The following CDC25B variants were observed in gnomAD, a reference collection of about 807,000 sequenced individuals.
CDC25B encodes M-phase inducer phosphatase 2.
In CDC25B, 33 loss-of-function variants were observed where a neutral mutation model predicts 69.8. That is an observed-to-expected ratio of 0.47 (90% CI 0.36 to 0.63). The LOEUF is 0.63. Among genes scored for constraint, CDC25B ranks in the 30% least tolerant of loss-of-function variants. The pLI, the probability that CDC25B is intolerant of heterozygous loss-of-function variation, is 0.00. For missense variants in CDC25B, 727 were observed against 809.1 expected (o/e 0.90, Z 1.23); for synonymous variants, 341 against 314.6 (o/e 1.08, Z -0.89).
Position 3,803,584 on chromosome 20 carries a change from C to G in CDC25B, c.1490+47C>G. On this transcript the variant is annotated intron_variant, in intron 14 of 15. Transcript: ENST00000245960. The surrounding 1 kb of genome is among the most constrained non-coding windows in gnomAD (Gnocchi z 4.9). ...CCAGCTAGTGTCTGCCCTGGCCTTC[C>G]CTGCCCAGGCTCACAGGTGCTGGCA... 6.2e-7 allele frequency: 1 copy of G among 1,611,058 alleles called. No individual in the cohort carries two copies. Among genetic ancestry groups the G allele is most frequent in the East Asian group, 2.2e-5 (1 of 44,864 alleles).
upstream of CDC25B, among the ~76,000 whole-genome samples, chr20:3,793,872 G>A (rs1331584733): frequency 1.3e-5 from 2 of 150,736 alleles, no homozygotes; most frequent in African/African-American, 2.4e-5. Flanking sequence ...TCTTGCGATA[G>A]TTTACTGAGA....
intron 8 of CDC25B, 74 bp from the exon 9 acceptor site, chr20:3,801,648 G>C: frequency 2.3e-6 from 3 of 1,281,226 alleles, no homozygotes; most frequent in Non-Finnish European, 3.3e-6. Context: ...AGGCTGTGCT[G>C]GAGGATTCCG....
upstream of CDC25B, chr20:3,795,822 C>T (rs183999341): frequency 1.3e-4 from 131 of 984,716 alleles, 1 homozygote; most frequent in African/African-American, 1.8e-3. Context: ...CCTGGCCCAC[C>T]GCCTGCCCAA....
At position 3,796,699 on chromosome 20, in the gene CDC25B, C is replaced by T. The variant is rs749556379; in HGVS notation, c.168C>T (p.Thr56=). The change falls in exon 1 of 16, where the codon ACC becomes ACT. Residue 56 remains threonine (T), a synonymous_variant. Coordinates refer to ENST00000245960, the MANE Select transcript of CDC25B (RefSeq NM_021873.4). ...CTTCCTCGCCGGTCACCACCCTCAC[C>T]CAGACCATGCACGACCTCGCCGGGC... ...AAASSPVTTL[T]QTMHDLAGLG... 1 of 1,561,746 alleles carries T rather than the reference C, an allele frequency of 6.4e-7. No homozygotes were observed. Among genetic ancestry groups the T allele is most frequent in the South Asian group, 1.2e-5 (1 of 86,178 alleles).
At chr20:3,802,648 T>G in intron 11 of CDC25B, 1 of 600,852 alleles carries the variant, frequency 1.7e-6, no homozygotes, top group Non-Finnish European at 3.0e-6. Context: ...TGCCTCACCT[T>G]CGGGCTTGGC....
upstream of CDC25B, among the ~76,000 whole-genome samples, chr20:3,792,198 G>A (rs2088926417): frequency 6.6e-6 from 1 of 152,204 alleles, no homozygotes; most frequent in African/African-American, 2.4e-5. Context: ...ACAGGTGTGA[G>A]CCAGCATGCC....
chr20:3,800,812 A>G lies in CDC25B; in HGVS notation c.529A>G (p.Lys177Glu), dbSNP rs199988612. 107 of 1,613,212 alleles carry G rather than the reference A, an allele frequency of 6.6e-5. No homozygotes were observed. The highest frequency in any genetic ancestry group is 9.3e-6 in the Non-Finnish European group (11 of 1,180,008). Reference protein sequence around the residue: ...TNSQAPDGRRKSEAGSGAASS... With the variant: ...TNSQAPDGRRESEAGSGAASS... ...CTCCCAGGCGCCCGACGGCCGGAGG[A>G]AGAGCGAGGCGGGCAGTGGAGCTGC... The change falls in exon 6 of 16, where the codon AAG (lysine) becomes GAG (glutamate). Residue 177 changes from lysine to glutamate, a missense_variant. Coordinates refer to ENST00000245960, the MANE Select transcript of CDC25B (RefSeq NM_021873.4).
intron 11 of CDC25B, 70 bp downstream of exon 11, chr20:3,802,446 G>C: frequency 9.6e-7 from 1 of 1,043,622 alleles, no homozygotes. Flanking sequence ...TCTAGCCCAG[G>C]GGCTGCTTGG....
upstream of CDC25B, chr20:3,795,759 C>G (rs1488425986): frequency 1.0e-6 from 1 of 985,432 alleles, no homozygotes; most frequent in Non-Finnish European, 1.2e-6. Flanking sequence ...TCAGCGCAGC[C>G]AGTCGCGGAG....
upstream of CDC25B, among the ~76,000 whole-genome samples, chr20:3,792,800 G>A (rs963308760): frequency 2.0e-5 from 3 of 151,966 alleles, no homozygotes; most frequent in Admixed American, 6.6e-5. Flanking sequence ...CCACCACACC[G>A]GGCTAAGTTT....
At position 3,797,639 on chromosome 20, in the gene CDC25B, A is replaced by T. The variant is rs761683237; in HGVS notation, c.218A>T (p.Gln73Leu). Reference protein sequence around the residue: ...AGLGSETPKSQVGTLLFRSRS... With the variant: ...AGLGSETPKSLVGTLLFRSRS... ...CTTCCCAGCGAAACCCCAAAGAGTC[A>T]GGTAGGGACCCTGCTCTTCCGCAGC... The change falls in exon 2 of 16, where the codon CAG (glutamine) becomes CTG (leucine). Residue 73 changes from glutamine (Q) to leucine (L), a missense_variant. Physicochemically the swap from Gln to Leu is moderately radical, Grantham distance 113. This residue lies in a region of CDC25B where 368 missense variants were observed against 345.6 expected (regional missense o/e 1.06). Transcript: ENST00000245960. The T allele has an allele frequency of 5.0e-6, 8 of 1,614,098 alleles. No homozygotes were observed. In the Admixed American group the frequency reaches 1.3e-4, roughly 27 times the overall value.
chr20:3,802,186 A>T (rs369825100), intron 10 of CDC25B, 86 bp downstream of exon 10: 1 of 1,548,722 alleles, frequency 6.5e-7, no homozygotes. Context: ...GGCAGGTGGC[A>T]GCCTGGGCAT....
intron 11 of CDC25B, 65 bp downstream of exon 11, chr20:3,802,441 C>T: frequency 9.0e-7 from 1 of 1,115,352 alleles, no homozygotes; most frequent in Non-Finnish European, 1.3e-6. Flanking sequence ...GGTCCTCTAG[C>T]CCAGGGGCTG....
At chr20:3,799,659 G>C (rs1473638572) in intron 3 of CDC25B, among the ~76,000 whole-genome samples, 1 of 152,218 alleles carries the variant, frequency 6.6e-6, no homozygotes, top group Non-Finnish European at 1.5e-5. Context: ...GCAGGAGGAG[G>C]GGGTGGGACA....
In CDC25B at chr20:3,805,060, T is replaced by C. The variant is rs1600410984; in HGVS notation, c.*99T>C. 7.9e-6 allele frequency: 10 copies of C among 1,263,748 alleles called. No homozygotes were observed. Among genetic ancestry groups the C allele is most frequent in the South Asian group, 5.6e-5 (4 of 71,040 alleles). 78.3% of individuals were successfully genotyped at this position (1,263,748 alleles called of 1,614,324 possible). On this transcript the variant is annotated 3_prime_UTR_variant, in exon 16 of 16. Coordinates refer to ENST00000245960, the MANE Select transcript of CDC25B (RefSeq NM_021873.4). ...CTGAGGGCCTGCTGGAGGCCTCAGG[T>C]GCTGTCCATGGGAAAGATGGTGTGG...
chr20:3,792,834 A>T (rs930893168), upstream of CDC25B, among the ~76,000 whole-genome samples: 2 of 152,068 alleles, frequency 1.3e-5, no homozygotes, highest in Non-Finnish European at 2.9e-5. Flanking sequence ...TGTAGAGACA[A>T]GGTTTCACCA....
intron 3 of CDC25B, among the ~76,000 whole-genome samples, 193 bp from the exon 4 acceptor site, chr20:3,800,095 T>A (rs2089218445): frequency 6.6e-6 from 1 of 152,144 alleles, no homozygotes; most frequent in African/African-American, 2.4e-5. Flanking sequence ...AATTCCAAGC[T>A]GCCTCTTATC....
At chr20:3,794,803 C>T (rs1451014324), upstream of CDC25B, among the ~76,000 whole-genome samples, 2 of 152,120 alleles carry the variant, frequency 1.3e-5, no homozygotes, top group Non-Finnish European at 2.9e-5. Flanking sequence ...GCCCACCCAG[C>T]CCCCCATCAC....
intron 1 of CDC25B, among the ~76,000 whole-genome samples, chr20:3,787,694 C>G (rs2146644476): frequency 6.6e-6 from 1 of 152,236 alleles, no homozygotes; most frequent in East Asian, 1.9e-4. Context: ...TAGGGCAGCA[C>G]TAAGGGGAAC....
Sources: allele counts gnomAD v4.1 joint callset (sites outside exome capture counted in the v4.1 genomes callset), GRCh38; gene constraint gnomAD v4.1.1; regional missense constraint gnomAD v4.1.1; non-coding constraint Gnocchi (gnomAD v3.1); transcripts MANE v1.5; gene names NCBI Gene and HGNC (gene_info 2026-07-23, HGNC 2026-07-21).